Variants in OTUD7A observed in about 807,000 individuals in gnomAD.
OTUD7A encodes the protein OTU domain-containing protein 7A.
A neutral mutation model predicts 65.7 loss-of-function variants in OTUD7A; 12 were observed. The observed-to-expected ratio is 0.18, with a 90% confidence interval of 0.12 to 0.30. The LOEUF is 0.30. Ranked by LOEUF, OTUD7A falls within the 10% of genes least tolerant of loss-of-function variation. OTUD7A has a pLI of 1.00. For missense variants in OTUD7A, 1,148 were observed against 1,304.8 expected (o/e 0.88, Z 1.85); for synonymous variants, 641 against 586.3 (o/e 1.09, Z -1.35).
At chr15:31,592,696 T>C (rs545709725) in intron 3 of OTUD7A, among the ~76,000 whole-genome samples, 48 of 151,286 alleles carry the variant, frequency 3.2e-4, no homozygotes, top group African/African-American at 1.0e-3. Context: ...CTGGCTAACA[T>C]GGTGAAACCC....
At chr15:31,646,282 A>G (rs8029990) in intron 3 of OTUD7A, among the ~76,000 whole-genome samples, 47,123 of 147,050 alleles carry the variant, frequency 0.32, 8,852 homozygotes, top group African/African-American at 0.62. Flanking sequence ...AAGCAAAGTG[A>G]AAGGACACAA....
intron 3 of OTUD7A, among the ~76,000 whole-genome samples, chr15:31,583,024 G>C (rs1221897371): frequency 6.6e-6 from 1 of 151,570 alleles, no homozygotes; most frequent in Non-Finnish European, 1.5e-5. Flanking sequence ...GGATTGTTGA[G>C]TGAGAAAAGC....
chr15:31,804,204 G>T (rs1247112274), intron 1 of OTUD7A, among the ~76,000 whole-genome samples: 1 of 152,120 alleles, frequency 6.6e-6, no homozygotes, highest in Non-Finnish European at 1.5e-5. Flanking sequence ...ATAATTTCAA[G>T]ATATAAAATA....
intron 8 of OTUD7A, among the ~76,000 whole-genome samples, chr15:31,510,511 T>C (rs146020950): frequency 0.018 from 2,584 of 144,846 alleles, 64 homozygotes; most frequent in South Asian, 0.076. Context: ...AACATACATA[T>C]ATATGTATAT....
At chr15:31,679,051 T>C (rs557247384) in intron 1 of OTUD7A, among the ~76,000 whole-genome samples, 3 of 152,184 alleles carry the variant, frequency 2.0e-5, no homozygotes, top group Non-Finnish European at 4.4e-5. Flanking sequence ...ATGTGAGACA[T>C]GGAGTCAGAG....
At chr15:31,611,325 C>T (rs8029308) in intron 3 of OTUD7A, among the ~76,000 whole-genome samples, 43,632 of 151,926 alleles carry the variant, frequency 0.29, 7,387 homozygotes, top group African/African-American at 0.47. Context: ...CTAAATGAAG[C>T]TGAAACAAAC....
chr15:31,818,516 A>ATT (rs1896605112), intron 1 of OTUD7A, among the ~76,000 whole-genome samples: 1 of 152,152 alleles, frequency 6.6e-6, no homozygotes, highest in Admixed American at 6.5e-5. Context: ...CCTGTCTTTG[A>ATT]GGGGTGAGAC....
chr15:31,599,182 G>C (rs1890000462), intron 3 of OTUD7A, among the ~76,000 whole-genome samples: 1 of 152,216 alleles, frequency 6.6e-6, no homozygotes, highest in African/African-American at 2.4e-5. Context: ...CTCTTCAAGT[G>C]GGTCCCTGAC....
chr15:31,824,079 G>A (rs2140975722), intron 1 of OTUD7A, among the ~76,000 whole-genome samples: 1 of 152,306 alleles, frequency 6.6e-6, no homozygotes, highest in African/African-American at 2.4e-5. Context: ...AGCATAGTAG[G>A]GGCAGCACTA....
intron 1 of OTUD7A, among the ~76,000 whole-genome samples, chr15:31,782,992 C>T (rs1367956884): frequency 6.6e-6 from 1 of 152,116 alleles, no homozygotes; most frequent in African/African-American, 2.4e-5. Flanking sequence ...GACCACCCAA[C>T]AAGAGCTGAG....
intron 3 of OTUD7A, among the ~76,000 whole-genome samples, chr15:31,590,194 C>T (rs542819690): frequency 2.0e-5 from 3 of 152,322 alleles, no homozygotes; most frequent in African/African-American, 7.2e-5. Context: ...TACAAATACT[C>T]ACCACTGTGT....
At chr15:31,667,173 T>C (rs988310494) in intron 1 of OTUD7A, among the ~76,000 whole-genome samples, 1 of 152,208 alleles carries the variant, frequency 6.6e-6, no homozygotes, top group African/African-American at 2.4e-5. Context: ...TTTAAATCCA[T>C]TGTTTCTTTG....
chr15:31,484,438 G>C lies in OTUD7A; in HGVS notation c.1658C>G (p.Ala553Gly). The change falls in exon 13 of 13, where the codon GCC (alanine) becomes GGC (glycine). Residue 553 changes from alanine to glycine, a missense_variant. Ala to Gly is a moderately conservative substitution (Grantham distance 60). Transcript: ENST00000307050. This position sits in a 1 kb window ranked among gnomAD's most constrained non-coding sequence, Gnocchi z 4.5. ...GGLVHGKMGRANSANGKNGDS... is the reference protein window; with the variant it reads ...GGLVHGKMGRGNSANGKNGDS... ...CCCGTTCTTGCCATTGGCGGAGTTG[G>C]CGCGGCCCATCTTGCCGTGCACCAG... 1 of 1,603,360 alleles carries C rather than the reference G, an allele frequency of 6.2e-7. No homozygotes were observed.
rs2041182661 is a variant in OTUD7A, at chr15:31,483,880, C to T, written c.2216G>A (p.Gly739Glu). 1.0e-6 allele frequency: 1 copy of T among 992,460 alleles called. No individual in the cohort carries two copies. The highest frequency in any genetic ancestry group is 1.2e-6 in the Non-Finnish European group (1 of 836,464). The allele number at this position is 992,460 out of a possible 1,614,324, so 61.5% of individuals were successfully genotyped here. The change falls in exon 13 of 13, where the codon GGG (glycine) becomes GAG (glutamate). Residue 739 changes from glycine (G) to glutamate (E), a missense_variant. Around this residue, in one of 6 missense-constraint regions of OTUD7A, gnomAD observed 842 missense variants for 769.5 expected, o/e 1.09. Transcript: ENST00000307050. ...GCCCGCCGCCGCCCGCGCCGCACGC[C>T]CTGCCGCGGGCCCGGGGCTCGGCCG... is the stretch of plus-strand genomic sequence containing the variant. ...KERPSPGPAA[G>E]RAARAAAGGT...
At chr15:31,838,231 G>A (rs748702383) in intron 1 of OTUD7A, among the ~76,000 whole-genome samples, 3 of 152,186 alleles carry the variant, frequency 2.0e-5, no homozygotes, top group African/African-American at 7.2e-5. Context: ...TAGATGTGAC[G>A]CTAGTCACTT....
At chr15:31,746,493 A>G (rs570830872) in intron 1 of OTUD7A, among the ~76,000 whole-genome samples, 6 of 144,064 alleles carry the variant, frequency 4.2e-5, no homozygotes, top group Non-Finnish European at 7.5e-5. Flanking sequence ...CAAACTCCAT[A>G]GTAGTTTTTA....
intron 1 of OTUD7A, among the ~76,000 whole-genome samples, chr15:31,738,571 T>A (rs989665069): frequency 6.6e-6 from 1 of 152,162 alleles, no homozygotes; most frequent in Non-Finnish European, 1.5e-5. Context: ...AGGAGGATTA[T>A]CTGCCATGAC....
At chr15:31,812,178 A>G (rs80193826) in intron 1 of OTUD7A, among the ~76,000 whole-genome samples, 2,078 of 152,254 alleles carry the variant, frequency 0.014, 44 homozygotes, top group African/African-American at 0.047. Flanking sequence ...CATGGGCCTC[A>G]TCTCCCAAAC....
At chr15:31,841,582 T>A (rs1897183895) in intron 1 of OTUD7A, among the ~76,000 whole-genome samples, 1 of 151,968 alleles carries the variant, frequency 6.6e-6, no homozygotes, top group East Asian at 1.9e-4. Flanking sequence ...CAAGAAAAAG[T>A]TAATGGAGTT....
Sources: allele counts gnomAD v4.1 joint callset (sites outside exome capture counted in the v4.1 genomes callset), GRCh38; gene constraint gnomAD v4.1.1; regional missense constraint gnomAD v4.1.1; non-coding constraint Gnocchi (gnomAD v3.1); transcripts MANE v1.5; gene names NCBI Gene and HGNC (gene_info 2026-07-23, HGNC 2026-07-21).